LIPC: variants seen among roughly 807,000 people sequenced by gnomAD.
LIPC encodes lipase C, hepatic type.
Under a neutral mutation model 50.7 loss-of-function variants are expected in LIPC, and 44 were observed. The ratio of observed to expected loss-of-function variants is 0.87; its 90% CI spans 0.68 to 1.11. The LOEUF (loss-of-function observed/expected upper bound fraction) is 1.11, where lower values mean the gene tolerates loss of function less well. Ranked by LOEUF, LIPC falls within the 50% of genes most tolerant of loss-of-function variation. The pLI, the probability that LIPC is intolerant of heterozygous loss-of-function variation, is 0.00. For missense variants in LIPC, 697 were observed against 648.2 expected (o/e 1.08, Z -0.82); for synonymous variants, 271 against 256.4 (o/e 1.06, Z -0.54).
chr15:58,500,100 T>A (rs1321936794), intron 1 of LIPC, among the ~76,000 whole-genome samples: 2 of 152,044 alleles, frequency 1.3e-5, no homozygotes, highest in African/African-American at 4.8e-5. Flanking sequence ...AACGTAAGGA[T>A]CCCCACATCC....
intron 1 of LIPC, among the ~76,000 whole-genome samples, chr15:58,506,944 T>G (rs975505092): frequency 6.6e-6 from 1 of 152,136 alleles, no homozygotes. Flanking sequence ...AGCAAACACA[T>G]CCTTCCGCAA....
At position 58,437,429 on chromosome 15, in the gene LIPC, T is replaced by G. The variant is rs538123376; in HGVS notation, c.88+5309T>G. The stretch of plus-strand genomic sequence containing the variant: ...AAATAATCTACATGTTGAATCATAA[T>G]TATGAAAACACTGTAGACACATGCT... On this transcript the variant is annotated intron_variant, in intron 1 of 8. Coordinates refer to ENST00000299022, the MANE Select transcript of LIPC (RefSeq NM_000236.3). Among the ~76,000 whole-genome samples the G allele has an allele frequency of 9.9e-4, 151 of 152,304 alleles. 3 individuals are homozygous for G. Among genetic ancestry groups the G allele is most frequent in the African/African-American group, 3.4e-3 (140 of 41,558 alleles).
Position 58,548,494 on chromosome 15 carries a change from G to A in LIPC, c.973G>A (p.Gly325Ser). ...CAAGAAGGGCCGCTGCAACACGCTG[G>A]GCTACCACGTCCGCCAGGAGCCGCG... is the stretch of plus-strand genomic sequence containing the variant. ...SCKKGRCNTL[G>S]YHVRQEPRSK... Residue 325 changes from glycine (G) to serine (S), a missense_variant, in exon 6 of 9, where the codon GGC becomes AGC. Coordinates refer to ENST00000299022, the MANE Select transcript of LIPC (RefSeq NM_000236.3). The A allele has an allele frequency of 1.2e-6, 2 of 1,609,178 alleles. No individual in the cohort carries two copies. Among genetic ancestry groups the A allele is most frequent in the African/African-American group, 1.3e-5 (1 of 75,016 alleles).
chr15:58,461,948 C>T (rs1227729676), intron 1 of LIPC, among the ~76,000 whole-genome samples: 1 of 151,924 alleles, frequency 6.6e-6, no homozygotes, highest in Non-Finnish European at 1.5e-5. Flanking sequence ...CCCACTCCAC[C>T]CCCACAGTTC....
chr15:58,508,562 C>G (rs1441742341), intron 1 of LIPC, among the ~76,000 whole-genome samples: 1 of 152,182 alleles, frequency 6.6e-6, no homozygotes, highest in African/African-American at 2.4e-5. Context: ...CCCTCCATCC[C>G]TTTATTAGTA....
At chr15:58,465,930 G>A (rs1894547236) in intron 1 of LIPC, among the ~76,000 whole-genome samples, 1 of 152,206 alleles carries the variant, frequency 6.6e-6, no homozygotes, top group South Asian at 2.1e-4. Flanking sequence ...AGAGGAATTA[G>A]ATCTTTTGGT....
chr15:58,460,845 G>GC (rs1384028571), intron 1 of LIPC, among the ~76,000 whole-genome samples: 2 of 152,226 alleles, frequency 1.3e-5, no homozygotes, highest in African/African-American at 4.8e-5. Context: ...AGGTGGCGTA[G>GC]TCCCATGGCC....
intron 2 of LIPC, 62 bp downstream of exon 2, chr15:58,538,579 C>T (rs1028117899): frequency 1.3e-5 from 19 of 1,503,322 alleles, no homozygotes; most frequent in South Asian, 2.3e-5. Context: ...TTCTTTCTAG[C>T]GTGTTCATGT....
chr15:58,503,532 G>T (rs950797099), intron 1 of LIPC, among the ~76,000 whole-genome samples: 12 of 152,156 alleles, frequency 7.9e-5, no homozygotes, highest in Non-Finnish European at 1.8e-4. Flanking sequence ...TGATACTGGC[G>T]CATATCAGCA....
intron 1 of LIPC, among the ~76,000 whole-genome samples, chr15:58,508,448 C>T (rs968181483): frequency 2.0e-5 from 3 of 152,168 alleles, no homozygotes; most frequent in South Asian, 2.1e-4. Context: ...GAGTCTTACT[C>T]GCTGTGGTCA....
chr15:58,477,316 T>C (rs560962270), intron 1 of LIPC, among the ~76,000 whole-genome samples: 1 of 152,250 alleles, frequency 6.6e-6, no homozygotes, highest in African/African-American at 2.4e-5. Context: ...GGAGAGAGAA[T>C]TGAAAGAGGA....
chr15:58,534,163 T>C (rs1289463917), intron 1 of LIPC, among the ~76,000 whole-genome samples: 1 of 152,132 alleles, frequency 6.6e-6, no homozygotes, highest in Non-Finnish European at 1.5e-5. Context: ...GGAAGGAAAA[T>C]ACATTTAGTT....
At chr15:58,491,897 T>C (rs991375253) in intron 1 of LIPC, among the ~76,000 whole-genome samples, 3 of 152,154 alleles carry the variant, frequency 2.0e-5, no homozygotes, top group Non-Finnish European at 4.4e-5. Flanking sequence ...CTTCCAGAGA[T>C]GCTAACAGGC....
chr15:58,514,660 G>A (rs1892431904), intron 1 of LIPC, among the ~76,000 whole-genome samples: 1 of 152,034 alleles, frequency 6.6e-6, no homozygotes. Flanking sequence ...CCCATCTCCA[G>A]TAAAAATACA....
At chr15:58,561,071 C>T in intron 7 of LIPC, 90 bp downstream of exon 7, 1 of 786,214 alleles carries the variant, frequency 1.3e-6, no homozygotes, top group Non-Finnish European at 2.3e-6. Context: ...AGAGTCAGGC[C>T]AGCTACAACT....
intron 6 of LIPC, among the ~76,000 whole-genome samples, chr15:58,553,970 C>G (rs1440406944): frequency 6.6e-6 from 1 of 151,832 alleles, no homozygotes; most frequent in Non-Finnish European, 1.5e-5. Flanking sequence ...CCTACCATCT[C>G]CATGAGAGAA....
chr15:58,567,643 T>C (rs187434389), intron 8 of LIPC, among the ~76,000 whole-genome samples: 2 of 152,162 alleles, frequency 1.3e-5, no homozygotes, highest in East Asian at 1.9e-4. Context: ...GGAAAATGCA[T>C]TGTGGTTCAT....
chr15:58,438,559 C>T (rs970846572), intron 1 of LIPC, among the ~76,000 whole-genome samples: 1 of 152,132 alleles, frequency 6.6e-6, no homozygotes, highest in African/African-American at 2.4e-5. Context: ...ACAAGGGGGC[C>T]GAGCCTAGTC....
intron 1 of LIPC, among the ~76,000 whole-genome samples, chr15:58,459,573 A>C (rs1894263792): frequency 6.6e-6 from 1 of 152,208 alleles, no homozygotes; most frequent in African/African-American, 2.4e-5. Flanking sequence ...GAGAGAGTCC[A>C]CCAGCAAACA....
Sources: allele counts gnomAD v4.1 joint callset (sites outside exome capture counted in the v4.1 genomes callset), GRCh38; gene constraint gnomAD v4.1.1; transcripts MANE v1.5; gene names NCBI Gene and HGNC (gene_info 2026-07-23, HGNC 2026-07-21).